Variants in DOCK2 observed in about 807,000 individuals in gnomAD.
DOCK2 encodes the protein dedicator of cytokinesis protein 2.
DOCK2 carries 87 observed loss-of-function variants against 248.9 expected under a neutral mutation model. The ratio of observed to expected loss-of-function variants is 0.35; its 90% CI spans 0.29 to 0.42. The LOEUF (loss-of-function observed/expected upper bound fraction) is 0.42. Ranked by LOEUF, DOCK2 falls within the 10% of genes least tolerant of loss-of-function variation. The pLI is 1.00. For missense variants in DOCK2, 1,747 were observed against 2,300.2 expected, an observed-to-expected ratio of 0.76 and a Z score of 4.92; for synonymous variants, 805 against 821.6, an observed-to-expected ratio of 0.98 and a Z score of 0.35.
chr5:169,760,141 T>C (rs1051396958), intron 24 of DOCK2, among the ~76,000 whole-genome samples: 1 of 152,172 alleles, frequency 6.6e-6, no homozygotes, highest in South Asian at 2.1e-4. Flanking sequence ...AGCCTAAGCA[T>C]ACCTAAAGAG....
At chr5:170,077,435 G>T (rs186858141) in intron 47 of DOCK2, among the ~76,000 whole-genome samples, 5 of 152,250 alleles carry the variant, frequency 3.3e-5, no homozygotes, top group Admixed American at 3.3e-4. Context: ...ATCAAGTATG[G>T]TCAAGGGGGC....
At chr5:169,756,981 C>T (rs1284857240) in intron 23 of DOCK2, among the ~76,000 whole-genome samples, 2 of 151,624 alleles carry the variant, frequency 1.3e-5, no homozygotes, top group Admixed American at 6.6e-5. Flanking sequence ...GCACATGCCT[C>T]AGTATATGGT....
At chr5:169,664,873 CTTA>C (rs1758637158) in intron 2 of DOCK2, among the ~76,000 whole-genome samples, 1 of 152,040 alleles carries the variant, frequency 6.6e-6, no homozygotes, top group African/African-American at 2.4e-5. Context: ...TGATCTCAAT[CTTA>C]TTATATATTT....
At chr5:169,837,912 G>T (rs1466358277) in intron 26 of DOCK2, among the ~76,000 whole-genome samples, 5 of 151,994 alleles carry the variant, frequency 3.3e-5, no homozygotes. Context: ...AGAAGAAATG[G>T]CTATTTAAAA....
chr5:170,026,611 G>A (rs1227367139), intron 33 of DOCK2, among the ~76,000 whole-genome samples: 6 of 152,086 alleles, frequency 3.9e-5, no homozygotes, highest in Non-Finnish European at 8.8e-5. Context: ...ACTCTTCAGG[G>A]TATAATACTA....
At chr5:169,945,290 C>T (rs1285058305) in intron 27 of DOCK2, among the ~76,000 whole-genome samples, 1 of 152,236 alleles carries the variant, frequency 6.6e-6, no homozygotes, top group Non-Finnish European at 1.5e-5. Flanking sequence ...CCTTAGCAGG[C>T]ATATACCGAG....
intron 27 of DOCK2, among the ~76,000 whole-genome samples, chr5:169,849,571 G>T (rs746405580): frequency 6.6e-6 from 1 of 152,238 alleles, no homozygotes; most frequent in African/African-American, 2.4e-5. Context: ...AGAATTTTTG[G>T]TGGTTTTATG....
intron 30 of DOCK2, 26 bp from the exon 31 acceptor site, chr5:170,008,471 A>G: frequency 6.2e-7 from 1 of 1,612,926 alleles, no homozygotes; most frequent in Non-Finnish European, 8.5e-7. Context: ...CCTCTCCATA[A>G]CTGTTCTCTG....
intron 27 of DOCK2, among the ~76,000 whole-genome samples, chr5:169,877,524 A>G (rs191460038): frequency 2.6e-5 from 4 of 152,314 alleles, no homozygotes; most frequent in East Asian, 1.9e-4. Flanking sequence ...CTCTTGGTCA[A>G]TGGTGTTGAA....
chr5:169,787,315 C>T (rs573987118), intron 25 of DOCK2, among the ~76,000 whole-genome samples: 2 of 152,290 alleles, frequency 1.3e-5, no homozygotes, highest in South Asian at 4.1e-4. Context: ...CTTGGGCTGA[C>T]GGGCTGTGCA....
chr5:169,836,247 A>G (rs1769577153), intron 26 of DOCK2, among the ~76,000 whole-genome samples: 1 of 152,256 alleles, frequency 6.6e-6, no homozygotes, highest in African/African-American at 2.4e-5. Flanking sequence ...CTGGTAAACC[A>G]GGGAACAAGC....
chr5:170,062,551 G>A (rs1757369003), intron 44 of DOCK2, among the ~76,000 whole-genome samples: 1 of 152,134 alleles, frequency 6.6e-6, no homozygotes, highest in Admixed American at 6.5e-5. Context: ...CTGTGGAGAG[G>A]AGGGCTTGGA....
At chr5:169,814,778 A>G (rs190489776) in intron 26 of DOCK2, among the ~76,000 whole-genome samples, 2 of 152,306 alleles carry the variant, frequency 1.3e-5, no homozygotes, top group East Asian at 3.9e-4. Context: ...TCTGTCAAGT[A>G]TACTTATTTC....
At position 169,863,459 on chromosome 5, in the gene DOCK2, C is replaced by G. The variant is rs138546467; in HGVS notation, c.2799+22607C>G. Among the ~76,000 whole-genome samples, 47 of 152,312 alleles carry G rather than the reference C, an allele frequency of 3.1e-4. No homozygotes were observed. The East Asian group carries it at 7.1e-3, about 23-fold the overall frequency. ...AAGTTAACTATGGAGTCTTAAAGTT[C>G]ACACCAAAAACAGATTCCACCCATT... On this transcript the variant is annotated intron_variant, in intron 27 of 51. Transcript: ENST00000520908.
chr5:169,995,982 G>A, intron 29 of DOCK2, 104 bp from the exon 30 acceptor site: 1 of 1,237,224 alleles, frequency 8.1e-7, no homozygotes, highest in Non-Finnish European at 1.1e-6. Context: ...TTTGGCCTTT[G>A]AGCCTCTCTC....
At chr5:170,024,037 G>A (rs187736847) in intron 33 of DOCK2, among the ~76,000 whole-genome samples, 173 of 152,356 alleles carry the variant, frequency 1.1e-3, no homozygotes, top group African/African-American at 3.9e-3. Flanking sequence ...CAGTCTCCTG[G>A]AAGAGGGAGG....
intron 6 of DOCK2, among the ~76,000 whole-genome samples, chr5:169,674,865 G>A (rs922559374): frequency 6.6e-6 from 1 of 152,116 alleles, no homozygotes; most frequent in Non-Finnish European, 1.5e-5. Context: ...TAACTCAAAT[G>A]CACAATTACA....
intron 1 of DOCK2, among the ~76,000 whole-genome samples, chr5:169,648,875 G>T (rs1325920520): frequency 2.0e-5 from 3 of 152,176 alleles, no homozygotes; most frequent in African/African-American, 7.2e-5. Flanking sequence ...CTCCTTCTAG[G>T]TTCCCTCTGG....
chr5:169,855,458 G>A lies in DOCK2; in HGVS notation c.2799+14606G>A, dbSNP rs201625153. On this transcript the variant is annotated intron_variant, in intron 27 of 51. Transcript: ENST00000520908. ...ACCAGTAGGAAGTTAGGCTATAAGC[G>A]CTAGAGTGGCGTTAGATTATAAGGA... is the stretch of plus-strand genomic sequence containing the variant. 4.6e-5 allele frequency among the ~76,000 whole-genome samples: 7 copies of A among 152,300 alleles called. No individual in the cohort carries two copies. The South Asian group carries it at 6.2e-4, about 14-fold the overall frequency.
Sources: gnomAD v4.1 joint callset for allele counts (sites outside exome capture counted in the v4.1 genomes callset) on GRCh38, gnomAD v4.1.1 for gene constraint, MANE v1.5 for transcripts, NCBI Gene and HGNC (gene_info 2026-07-23, HGNC 2026-07-21) for gene names.